Variants in GUCY1B1 observed in about 807,000 individuals in gnomAD.
GUCY1B1 encodes guanylate cyclase soluble subunit beta-1.
GUCY1B1 carries 43 observed loss-of-function variants against 71.0 expected under a neutral mutation model. The observed-to-expected ratio is 0.61, with a 90% CI of 0.47 to 0.78. The LOEUF is 0.78. GUCY1B1 is among the 30% of genes least tolerant of loss of function. The pLI, the probability that GUCY1B1 is intolerant of heterozygous loss-of-function variation, is 0.00. For synonymous variants in GUCY1B1, 266 were observed against 259.7 expected (o/e 1.02, Z -0.23); for missense variants, 535 against 754.1 (o/e 0.71, Z 3.40).
At position 155,789,800 on chromosome 4, in the gene GUCY1B1, C is replaced by G. The variant is rs1429497805; in HGVS notation, c.384C>G (p.Gly128=). The change falls in exon 5 of 14, where the codon GGC becomes GGG. Residue 128 remains glycine (G), a synonymous_variant. Transcript: ENST00000264424. Reference sequence around the variant, plus strand: ...TTAGGTGCACTGATGCAGAAAAGGGCAAAGGACTCATTTTGCACTACTACT... The same window carrying G: ...TTAGGTGCACTGATGCAGAAAAGGGGAAAGGACTCATTTTGCACTACTACT... The part of the protein sequence containing the change: ...PSFRCTDAEK[G]KGLILHYYSE... The G allele has an allele frequency of 6.2e-7, 1 of 1,607,688 alleles. No individual in the cohort carries two copies. Among genetic ancestry groups the G allele is most frequent in the Non-Finnish European group, 8.5e-7 (1 of 1,174,328 alleles).
chr4:155,777,197 G>A (rs1416985726), intron 3 of GUCY1B1, among the ~76,000 whole-genome samples: 9 of 152,164 alleles, frequency 5.9e-5, no homozygotes, highest in Non-Finnish European at 1.3e-4. Context: ...GTAGTGTCAC[G>A]TTGGTGACCA....
chr4:155,802,563 A>C lies in GUCY1B1; in HGVS notation c.1397A>C (p.Asn466Thr), dbSNP rs775093222. ...GACACACTGACTGATTCCCGGAAAA[A>C]CCCATTTGTTTATAAGGCAAGTGTT... Reference protein sequence around the residue: ...RFDTLTDSRKNPFVYKVETVG... With the variant: ...RFDTLTDSRKTPFVYKVETVG... Residue 466 changes from asparagine (N) to threonine (T), a missense_variant, in exon 10 of 14, where the codon AAC (asparagine) becomes ACC (threonine). Transcript: ENST00000264424. This position sits in a 1 kb window ranked among gnomAD's most constrained non-coding sequence, Gnocchi z 4.3. 1 of 1,600,600 alleles carries C rather than the reference A, an allele frequency of 6.2e-7. No homozygotes were observed. Among genetic ancestry groups the C allele is most frequent in the African/African-American group, 1.3e-5 (1 of 74,690 alleles).
chr4:155,789,671 G>A, intron 4 of GUCY1B1, 43 bp from the exon 5 acceptor site: 1 of 1,163,310 alleles, frequency 8.6e-7, no homozygotes, highest in East Asian at 2.4e-5. Context: ...TGCTGTCATT[G>A]CGAAAGCATT....
chr4:155,782,143 T>C (rs2111068269), intron 4 of GUCY1B1, among the ~76,000 whole-genome samples: 1 of 152,282 alleles, frequency 6.6e-6, no homozygotes, highest in African/African-American at 2.4e-5. Flanking sequence ...TGGCGCAGTC[T>C]CGGCTCACTG....
intron 2 of GUCY1B1, among the ~76,000 whole-genome samples, chr4:155,768,933 T>C (rs570655906): frequency 1.1e-4 from 17 of 152,338 alleles, no homozygotes; most frequent in Admixed American, 7.2e-4. Context: ...TTGTAAATTC[T>C]ATCAGCAAAT....
intron 4 of GUCY1B1, among the ~76,000 whole-genome samples, chr4:155,788,893 G>A (rs774870572): frequency 6.6e-6 from 1 of 152,160 alleles, no homozygotes; most frequent in African/African-American, 2.4e-5. Context: ...TATGAACTGA[G>A]TGTTATTTGA....
Position 155,789,700 on chromosome 4 carries a change from C to T in GUCY1B1, c.298-14C>T. 1 of 1,516,626 alleles carries T rather than the reference C, an allele frequency of 6.6e-7. No individual in the cohort carries two copies. Among genetic ancestry groups the T allele is most frequent in the Non-Finnish European group, 9.0e-7 (1 of 1,108,036 alleles). The allele number at this position is 1,516,626 out of a possible 1,614,324, so 93.9% of individuals were successfully genotyped here. On this transcript the variant is annotated splice_polypyrimidine_tract_variant and intron_variant, in intron 4 of 13. Coordinates refer to ENST00000264424, the MANE Select transcript of GUCY1B1 (RefSeq NM_000857.5). ...AAGCATTGTTTATTGGTCTCCCTTT[C>T]TTCTTTGCTGCAGAACCTTGATGCT...
chr4:155,804,557 A>G, intron 11 of GUCY1B1, 36 bp from the exon 12 acceptor site: 2 of 1,559,676 alleles, frequency 1.3e-6, no homozygotes, highest in South Asian at 2.4e-5. Flanking sequence ...TGTGTTAGTG[A>G]TCAAAATGAT....
At chr4:155,793,284 C>T (rs1739309048) in intron 5 of GUCY1B1, among the ~76,000 whole-genome samples, 1 of 152,060 alleles carries the variant, frequency 6.6e-6, no homozygotes, top group Non-Finnish European at 1.5e-5. Flanking sequence ...GCCATGTTGG[C>T]CAGGCTGGTT....
At chr4:155,769,934 A>G (rs1329059112) in intron 2 of GUCY1B1, among the ~76,000 whole-genome samples, 1 of 152,216 alleles carries the variant, frequency 6.6e-6, no homozygotes, top group Admixed American at 6.5e-5. Flanking sequence ...TTGGAGCTCA[A>G]AAAATAATTC....
chr4:155,777,905 G>A (rs2111046725), intron 4 of GUCY1B1, among the ~76,000 whole-genome samples: 1 of 152,276 alleles, frequency 6.6e-6, no homozygotes, highest in Non-Finnish European at 1.5e-5. Flanking sequence ...ACTCCAGGTG[G>A]TCTTTTGTGA....
rs1410062916 is a variant in GUCY1B1 at position 155,759,771 on chromosome 4, C to T, written c.4-16C>T. 1 of 1,604,974 alleles carries T rather than the reference C, an allele frequency of 6.2e-7. No individual in the cohort carries two copies. Among genetic ancestry groups the T allele is most frequent in the East Asian group, 2.2e-5 (1 of 44,726 alleles). On this transcript the variant is annotated splice_polypyrimidine_tract_variant and intron_variant, in intron 1 of 13. Coordinates refer to ENST00000264424, the MANE Select transcript of GUCY1B1 (RefSeq NM_000857.5). Reference sequence around the variant, plus strand: ...CAGCGGGTCCCTGACGCTCAAGTCTCTCCCTGTCCCCGCAGTACGGATTTG... The same window carrying T: ...CAGCGGGTCCCTGACGCTCAAGTCTTTCCCTGTCCCCGCAGTACGGATTTG...
chr4:155,762,573 T>C (rs1285013441), intron 2 of GUCY1B1, among the ~76,000 whole-genome samples: 3 of 152,092 alleles, frequency 2.0e-5, no homozygotes, highest in Non-Finnish European at 4.4e-5. Flanking sequence ...CCAAAAATGC[T>C]TCATTGTAAA....
At chr4:155,781,877 G>A (rs1272958002) in intron 4 of GUCY1B1, among the ~76,000 whole-genome samples, 2 of 151,866 alleles carry the variant, frequency 1.3e-5, no homozygotes, top group African/African-American at 4.8e-5. Flanking sequence ...GTATCAAAAA[G>A]AGAAAAAGAA....
chr4:155,769,246 G>T (rs1262599251), intron 2 of GUCY1B1, among the ~76,000 whole-genome samples: 2 of 152,118 alleles, frequency 1.3e-5, no homozygotes, highest in Non-Finnish European at 2.9e-5. Flanking sequence ...AGTTGAATCT[G>T]CCCAAACTGC....
At chr4:155,761,087 T>G (rs545558297) in intron 2 of GUCY1B1, among the ~76,000 whole-genome samples, 1 of 152,218 alleles carries the variant, frequency 6.6e-6, no homozygotes, top group Non-Finnish European at 1.5e-5. Flanking sequence ...TCAGAAACCA[T>G]TTGTATTATC....
intron 9 of GUCY1B1, among the ~76,000 whole-genome samples, chr4:155,800,959 T>C (rs1462946249): frequency 6.6e-6 from 1 of 152,206 alleles, no homozygotes; most frequent in Non-Finnish European, 1.5e-5. Flanking sequence ...TTTCATTTTT[T>C]TTGTATTGTG....
rs968551231 is a variant in GUCY1B1, at chr4:155,807,643, A to G, written c.*1234A>G. The G allele has an allele frequency of 3.9e-5, 6 of 152,036 alleles. No individual in the cohort carries two copies. Among genetic ancestry groups the G allele is most frequent in the African/African-American group, 1.4e-4 (6 of 41,414 alleles). The allele number at this position is 152,036 out of a possible 1,614,324, so 9.4% of individuals were successfully genotyped here. On this transcript the variant is annotated 3_prime_UTR_variant, in exon 14 of 14. Coordinates refer to ENST00000264424, the MANE Select transcript of GUCY1B1 (RefSeq NM_000857.5). The stretch of plus-strand genomic sequence containing the variant: ...AAATATTAACATTATTTTTCATTTT[A>G]TTAATGCCATTATTTTGTAAATACA...
chr4:155,796,643 T>C (rs1739577211), intron 8 of GUCY1B1, 133 bp downstream of exon 8: 3 of 610,078 alleles, frequency 4.9e-6, no homozygotes, highest in South Asian at 4.3e-5. Context: ...CCTTGTTGTG[T>C]ATTACTTTAT....
Sources: gnomAD v4.1 joint callset for allele counts (sites outside exome capture counted in the v4.1 genomes callset) on GRCh38, gnomAD v4.1.1 for gene constraint, Gnocchi (gnomAD v3.1) non-coding constraint, MANE v1.5 for transcripts, NCBI Gene and HGNC (gene_info 2026-07-23, HGNC 2026-07-21) for gene names.